The following DMRT3 variants were observed in gnomAD, a reference collection of about 807,000 sequenced individuals.
DMRT3 encodes the protein doublesex- and mab-3-related transcription factor 3.
Under a neutral mutation model 34.9 loss-of-function variants are expected in DMRT3, and 29 were observed. That is an observed-to-expected ratio of 0.83 (90% CI 0.62 to 1.13). The LOEUF (loss-of-function observed/expected upper bound fraction) is 1.13, where lower values mean the gene tolerates loss of function less well. Ranked by LOEUF, DMRT3 falls within the 50% of genes most tolerant of loss-of-function variation. The probability of loss-of-function intolerance (pLI) is 0.00; values close to 1 mark genes in which losing one functional copy is unlikely to be tolerated. For missense variants in DMRT3, 772 were observed against 629.1 expected (o/e 1.23, Z -2.43); for synonymous variants, 350 against 286.0 (o/e 1.22, Z -2.26).
At position 977,055 on chromosome 9, in the gene DMRT3, G is replaced by A. The variant is rs1194325590; in HGVS notation, c.54G>A (p.Pro18=). ...ACATGGGCGGCCCGGTGTCGCAGCC[G>A]CCACGGGCGCCCCTGCAGCGCACGC... is the stretch of plus-strand genomic sequence containing the variant. ...YLYMGGPVSQ[P]PRAPLQRTPK... Residue 18 remains proline, a synonymous_variant, in exon 1 of 2, where the codon CCG becomes CCA. Coordinates refer to ENST00000190165, the MANE Select transcript of DMRT3 (RefSeq NM_021240.4). 1 of 1,572,106 alleles carries A rather than the reference G, an allele frequency of 6.4e-7. No individual in the cohort carries two copies. Among genetic ancestry groups the A allele is most frequent in the Non-Finnish European group, 8.6e-7 (1 of 1,160,516 alleles).
intron 1 of DMRT3, among the ~76,000 whole-genome samples, chr9:982,232 G>A (rs1169030144): frequency 1.3e-5 from 2 of 152,162 alleles, no homozygotes; most frequent in East Asian, 3.9e-4. Flanking sequence ...TTCTTTCTCT[G>A]CAGAGCCCGA....
chr9:982,785 C>G (rs1366825524), intron 1 of DMRT3, among the ~76,000 whole-genome samples: 2 of 152,234 alleles, frequency 1.3e-5, no homozygotes, highest in Non-Finnish European at 2.9e-5. Flanking sequence ...AACCATGGGC[C>G]TGCCTGCCCT....
At chr9:985,035 C>G (rs997819956) in intron 1 of DMRT3, among the ~76,000 whole-genome samples, 4 of 152,110 alleles carry the variant, frequency 2.6e-5, no homozygotes, top group African/African-American at 9.7e-5. Flanking sequence ...GCATTGTTAT[C>G]TGTAGAAAAA....
chr9:976,690 C>A lies in DMRT3; in HGVS notation c.-312C>A, dbSNP rs1313563246. 6.6e-6 allele frequency among the ~76,000 whole-genome samples: 1 copy of A among 152,200 alleles called. No homozygotes were observed. The highest frequency in any genetic ancestry group is 2.1e-4 in the South Asian group (1 of 4,836). ...TGGCTCAGACCTTAATCAGAGCTGT[C>A]GCCGGCTCCTTGCAGCCGCCGCAGC... On this transcript the variant is annotated 5_prime_UTR_variant, in exon 1 of 2. Coordinates refer to ENST00000190165, the MANE Select transcript of DMRT3 (RefSeq NM_021240.4). This position sits in a 1 kb window ranked among gnomAD's most constrained non-coding sequence, Gnocchi z 4.5.
intron 1 of DMRT3, among the ~76,000 whole-genome samples, chr9:979,097 G>C (rs1192964668): frequency 6.6e-6 from 1 of 152,160 alleles, no homozygotes; most frequent in African/African-American, 2.4e-5. Flanking sequence ...AACATCAGAG[G>C]TTAACTCAGC....
At chr9:977,972 A>G (rs1438867210) in intron 1 of DMRT3, among the ~76,000 whole-genome samples, 3 of 152,166 alleles carry the variant, frequency 2.0e-5, no homozygotes, top group South Asian at 2.1e-4. Flanking sequence ...CCCAGGGCCC[A>G]GGAAAATTTG....
At chr9:989,862 G>GT (rs1470598440) in intron 1 of DMRT3, 179 bp from the exon 2 acceptor site, 4 of 708,142 alleles carry the variant, frequency 5.6e-6, no homozygotes, top group Non-Finnish European at 9.0e-6. Flanking sequence ...TATTTACAGG[G>GT]TTTTTGTTTC....
chr9:979,924 C>G (rs769061475), intron 1 of DMRT3, among the ~76,000 whole-genome samples: 2 of 152,210 alleles, frequency 1.3e-5, no homozygotes, highest in Non-Finnish European at 2.9e-5. Context: ...AAGCAGAACT[C>G]TATTGGAATG....
At chr9:983,825 T>C (rs1467059718) in intron 1 of DMRT3, among the ~76,000 whole-genome samples, 3 of 152,266 alleles carry the variant, frequency 2.0e-5, no homozygotes, top group East Asian at 3.9e-4. Flanking sequence ...CCCCAAAATA[T>C]AGTGTCAAGG....
chr9:976,831 G>A lies in DMRT3; in HGVS notation c.-171G>A. Reference sequence around the variant, plus strand: ...CTGTGAGCGCGAAGGGAGCTGGAGAGACGACTGCGGCACCTCCGGCCGCCC... The same window carrying A: ...CTGTGAGCGCGAAGGGAGCTGGAGAAACGACTGCGGCACCTCCGGCCGCCC... On this transcript the variant is annotated 5_prime_UTR_variant, in exon 1 of 2. Transcript: ENST00000190165. The surrounding 1 kb of genome is among the most constrained non-coding windows in gnomAD (Gnocchi z 4.5). The A allele has an allele frequency of 1.8e-6, 1 of 561,152 alleles. No homozygotes were observed. The highest frequency in any genetic ancestry group is 2.8e-6 in the Non-Finnish European group (1 of 362,324). The allele number at this position is 561,152 out of a possible 1,614,324, so 34.8% of individuals were successfully genotyped here.
intron 1 of DMRT3, among the ~76,000 whole-genome samples, chr9:988,062 C>T (rs1820307084): frequency 6.6e-6 from 1 of 152,070 alleles, no homozygotes; most frequent in African/African-American, 2.4e-5. Flanking sequence ...AGTTCAAATA[C>T]CACATTAACT....
intron 1 of DMRT3, among the ~76,000 whole-genome samples, chr9:986,781 T>C (rs553538045): frequency 2.6e-5 from 4 of 151,504 alleles, no homozygotes; most frequent in African/African-American, 9.7e-5. Context: ...GTCCCAGCTA[T>C]TCGGGAGGCT....
At chr9:981,233 G>A (rs1014237317) in intron 1 of DMRT3, among the ~76,000 whole-genome samples, 1 of 151,790 alleles carries the variant, frequency 6.6e-6, no homozygotes, top group African/African-American at 2.4e-5. Flanking sequence ...TTCTGCTCCG[G>A]CTTGACTGGG....
rs781176158 is a variant in DMRT3 at position 990,054 on chromosome 9, A to G, written c.468A>G (p.Glu156=). The G allele has an allele frequency of 1.2e-6, 2 of 1,613,738 alleles. No homozygotes were observed. The highest frequency in any genetic ancestry group is 2.2e-5 in the East Asian group (1 of 44,858). ...TCTGTTTTCCAGATTTGACTGAAGA[A>G]CGACTTGGAGACGGCAAGTCGGCAG... is the stretch of plus-strand genomic sequence containing the variant. The part of the protein sequence containing the change: ...AQLAKPDLTE[E]RLGDGKSADN... Residue 156 remains glutamate, a synonymous_variant, in exon 2 of 2, where the codon GAA becomes GAG. Coordinates refer to ENST00000190165, the MANE Select transcript of DMRT3 (RefSeq NM_021240.4).
chr9:988,106 A>C (rs1318681916), intron 1 of DMRT3, among the ~76,000 whole-genome samples: 1 of 152,224 alleles, frequency 6.6e-6, no homozygotes, highest in African/African-American at 2.4e-5. Context: ...CATCCTAAGA[A>C]GTTGTAGGAG....
chr9:987,028 T>C (rs1472567327), intron 1 of DMRT3, among the ~76,000 whole-genome samples: 1 of 152,178 alleles, frequency 6.6e-6, no homozygotes, highest in Non-Finnish European at 1.5e-5. Context: ...GTGGCATATA[T>C]TTTTCTTTTT....
chr9:988,695 A>C (rs535162467), intron 1 of DMRT3, among the ~76,000 whole-genome samples: 23 of 152,282 alleles, frequency 1.5e-4, no homozygotes, highest in Non-Finnish European at 2.9e-4. Context: ...TCTGTATATA[A>C]TCAGGTGTGC....
chr9:988,840 C>T (rs577131792), intron 1 of DMRT3, among the ~76,000 whole-genome samples: 2 of 152,190 alleles, frequency 1.3e-5, no homozygotes, highest in African/African-American at 4.8e-5. Context: ...TGAGTAGCCA[C>T]AGCCAGCGCG....
rs562413427 is a variant in DMRT3, at chr9:976,940, C to G, written c.-62C>G. On this transcript the variant is annotated 5_prime_UTR_variant, in exon 1 of 2. Transcript: ENST00000190165. This position sits in a 1 kb window ranked among gnomAD's most constrained non-coding sequence, Gnocchi z 4.5. ...CCCTGAGCGGGCCTCGCAGCCCCGC[C>G]GTCCAGCGCTCCCTGGCCCTCTCCC... 5 of 1,379,948 alleles carry G rather than the reference C, an allele frequency of 3.6e-6. No individual in the cohort carries two copies. Among genetic ancestry groups the G allele is most frequent in the Non-Finnish European group, 4.7e-6 (5 of 1,063,854 alleles). 85.5% of individuals were successfully genotyped at this position (1,379,948 alleles called of 1,614,324 possible). A position where few individuals can be genotyped will look rare whatever the true frequency, so the allele number is the denominator to read the frequency against.
Sources: gnomAD v4.1 joint callset for allele counts (sites outside exome capture counted in the v4.1 genomes callset) on GRCh38, gnomAD v4.1.1 for gene constraint, Gnocchi (gnomAD v3.1) non-coding constraint, MANE v1.5 for transcripts, NCBI Gene and HGNC (gene_info 2026-07-23, HGNC 2026-07-21) for gene names.